MDGA2: variants seen among roughly 807,000 people sequenced by gnomAD.
The protein encoded by MDGA2 is MAM domain containing glycosylphosphatidylinositol anchor 2.
Under a neutral mutation model 117.8 loss-of-function variants are expected in MDGA2, and 40 were observed. The ratio of observed to expected loss-of-function variants is 0.34; its 90% confidence interval spans 0.26 to 0.44. The LOEUF is 0.44. Among genes scored for constraint, MDGA2 ranks in the 20% least tolerant of loss-of-function variants. The pLI is 1.00. For missense variants in MDGA2, 1,123 were observed against 1,250.6 expected (o/e 0.90, Z 1.54); for synonymous variants, 452 against 439.0 (o/e 1.03, Z -0.37).
At chr14:46,857,663 CT>C (rs957403415) in intron 14 of MDGA2, among the ~76,000 whole-genome samples, 1 of 151,838 alleles carries the variant, frequency 6.6e-6, no homozygotes, top group Admixed American at 6.6e-5. Context: ...TTATCTTATT[CT>C]TTTTTTAAGA....
rs750500943 is a variant in MDGA2, at chr14:46,920,028, C to T, written c.2222G>A (p.Arg741Gln). Residue 741 changes from arginine (R) to glutamine (Q), a missense_variant, in exon 10 of 17, where the codon CGG becomes CAG. Physicochemically the swap from Arg to Gln is conservative, Grantham distance 43 (BLOSUM62 1). Around this residue, in one of 2 missense-constraint regions of MDGA2, gnomAD observed 890 missense variants for 1,050.3 expected, o/e 0.85. Coordinates refer to ENST00000399232, the MANE Select transcript of MDGA2 (RefSeq NM_001113498.3). ...ATTTCTCACCTGCCTGATGCCCAAC[C>T]GGTATGCAACAATCCGATCCACTGC... ...PDAVDRIVAY[R>Q]LGIRQAGQQR... The T allele has an allele frequency of 1.0e-5, 16 of 1,576,176 alleles. No homozygotes were observed. The highest frequency in any genetic ancestry group is 7.3e-5 in the South Asian group (6 of 81,704).
chr14:47,563,008 G>C (rs1179088849), intron 1 of MDGA2, among the ~76,000 whole-genome samples: 1 of 152,042 alleles, frequency 6.6e-6, no homozygotes, highest in East Asian at 1.9e-4. Context: ...TCATTCAGGA[G>C]CAGGCTGTTG....
chr14:47,262,386 T>C (rs1887825289), intron 2 of MDGA2, among the ~76,000 whole-genome samples: 1 of 152,158 alleles, frequency 6.6e-6, no homozygotes, highest in Non-Finnish European at 1.5e-5. Flanking sequence ...GCTTTATTTG[T>C]ATTTTTCTCA....
intron 1 of MDGA2, among the ~76,000 whole-genome samples, chr14:47,663,344 G>A (rs1025595544): frequency 6.6e-6 from 1 of 152,170 alleles, no homozygotes; most frequent in African/African-American, 2.4e-5. Flanking sequence ...TCACAGTCCT[G>A]AGTAAAGATT....
chr14:47,023,219 A>G (rs1888357084), intron 8 of MDGA2, among the ~76,000 whole-genome samples: 1 of 147,516 alleles, frequency 6.8e-6, no homozygotes. Context: ...AAAAAAAAAG[A>G]AAAAGAAAGA....
chr14:47,360,354 AAAATAAAT>A lies in MDGA2; in HGVS notation c.281-58812_281-58805del, dbSNP rs60754618. On this transcript the variant is annotated intron_variant, in intron 1 of 16. Coordinates refer to ENST00000399232, the MANE Select transcript of MDGA2 (RefSeq NM_001113498.3). ...CAACAGGAGTGAGAGTCCATCTCAA[AAAATAAAT>A]AAATAAATAAATAAATAAATAAATA... Among the ~76,000 whole-genome samples, 285 of 140,006 alleles carry A rather than the reference AAAATAAAT, an allele frequency of 2.0e-3. 4 individuals are homozygous for A. Among genetic ancestry groups the A allele is most frequent in the East Asian group, 0.012 (59 of 4,796 alleles). 91.8% of individuals were successfully genotyped at this position (140,006 alleles called of 152,430 possible).
intron 1 of MDGA2, among the ~76,000 whole-genome samples, chr14:47,530,760 G>C (rs1323553281): frequency 1.3e-5 from 2 of 152,118 alleles, no homozygotes; most frequent in African/African-American, 2.4e-5. Flanking sequence ...CTGCTGGCTA[G>C]ATCCCACAAT....
chr14:46,917,925 G>A (rs930139661), intron 10 of MDGA2, among the ~76,000 whole-genome samples: 1 of 152,072 alleles, frequency 6.6e-6, no homozygotes, highest in African/African-American at 2.4e-5. Context: ...CTCTTGGGAG[G>A]AATTCTAACT....
intron 3 of MDGA2, among the ~76,000 whole-genome samples, chr14:47,146,362 C>T (rs1402068269): frequency 1.3e-5 from 2 of 152,042 alleles, no homozygotes; most frequent in African/African-American, 4.8e-5. Context: ...ATTTACAGAA[C>T]AACTGCTGCT....
intron 1 of MDGA2, among the ~76,000 whole-genome samples, chr14:47,605,735 T>C (rs1486227946): frequency 6.6e-6 from 1 of 152,190 alleles, no homozygotes; most frequent in East Asian, 1.9e-4. Flanking sequence ...TGAGGACTGA[T>C]AATCCCCCAC....
In MDGA2 at chr14:46,972,624, A is replaced by T. The variant is rs543521613; in HGVS notation, c.1820-14981T>A. Among the ~76,000 whole-genome samples the T allele has an allele frequency of 7.2e-5, 11 of 152,260 alleles. No individual in the cohort carries two copies. The East Asian group carries it at 2.1e-3, about 29-fold the overall frequency. ...CACACATTCCAGATAACAGGTTTAG[A>T]TCCAAATCCAAATCACATGACATCA... On this transcript the variant is annotated intron_variant, in intron 8 of 16. Coordinates refer to ENST00000399232, the MANE Select transcript of MDGA2 (RefSeq NM_001113498.3).
intron 1 of MDGA2, among the ~76,000 whole-genome samples, chr14:47,643,726 T>C (rs1479951976): frequency 6.6e-6 from 1 of 152,140 alleles, no homozygotes; most frequent in East Asian, 1.9e-4. Flanking sequence ...CTTCATTTGA[T>C]AGAATAACAA....
chr14:47,540,561 T>TACAC (rs1463939269), intron 1 of MDGA2, among the ~76,000 whole-genome samples: 9 of 100,304 alleles, frequency 9.0e-5, no homozygotes, highest in African/African-American at 2.3e-4. Flanking sequence ...TATGTATATA[T>TACAC]ATACACACAC....
At chr14:47,517,675 G>A (rs559465647) in intron 1 of MDGA2, among the ~76,000 whole-genome samples, 2 of 152,200 alleles carry the variant, frequency 1.3e-5, no homozygotes, top group African/African-American at 2.4e-5. Context: ...AGACACCTCT[G>A]TCCTTCAGTT....
chr14:47,128,139 G>T (rs1345641734), intron 5 of MDGA2, among the ~76,000 whole-genome samples: 3 of 151,940 alleles, frequency 2.0e-5, no homozygotes, highest in Non-Finnish European at 4.4e-5. Context: ...TGTCTTTAAA[G>T]AATTTTTGCA....
chr14:46,967,135 A>C (rs1886067580), intron 8 of MDGA2, among the ~76,000 whole-genome samples: 1 of 150,226 alleles, frequency 6.7e-6, no homozygotes. Context: ...TTAAATATTT[A>C]AGGGAGTGTG....
chr14:47,537,880 T>C (rs1421771254), intron 1 of MDGA2, among the ~76,000 whole-genome samples: 2 of 152,174 alleles, frequency 1.3e-5, no homozygotes, highest in Admixed American at 1.3e-4. Context: ...TTCATAGTAA[T>C]AAATATTTAG....
chr14:47,643,156 G>A (rs1021253732), intron 1 of MDGA2, among the ~76,000 whole-genome samples: 1 of 152,048 alleles, frequency 6.6e-6, no homozygotes, highest in Non-Finnish European at 1.5e-5. Context: ...ATTCTTAAAG[G>A]AAGAGCCAAA....
At chr14:47,552,540 C>T (rs979302595) in intron 1 of MDGA2, among the ~76,000 whole-genome samples, 1 of 152,104 alleles carries the variant, frequency 6.6e-6, no homozygotes, top group African/African-American at 2.4e-5. Context: ...TGTCAAAATA[C>T]AGTTAGAATC....
Sources: allele counts gnomAD v4.1 joint callset (sites outside exome capture counted in the v4.1 genomes callset), GRCh38; gene constraint gnomAD v4.1.1; regional missense constraint gnomAD v4.1.1; transcripts MANE v1.5; gene names NCBI Gene and HGNC (gene_info 2026-07-23, HGNC 2026-07-21).